Variants in PLAA observed in about 807,000 individuals in gnomAD.
The protein encoded by PLAA is phospholipase A2 activating protein, also known as phospholipase A-2-activating protein.
A neutral mutation model predicts 84.1 loss-of-function variants in PLAA; 48 were observed. The observed-to-expected ratio is 0.57, with a 90% CI of 0.45 to 0.73. The LOEUF is 0.73. Ranked by LOEUF, PLAA falls within the 30% of genes least tolerant of loss-of-function variation. The pLI is 0.00. For missense variants in PLAA, 903 were observed against 954.7 expected (o/e 0.95, Z 0.71); for synonymous variants, 392 against 336.6 (o/e 1.16, Z -1.80).
In PLAA at chr9:26,905,969, T is replaced by C. The variant is rs757076637; in HGVS notation, c.1930A>G (p.Ile644Val). 1 of 1,614,134 alleles carries C rather than the reference T, an allele frequency of 6.2e-7. No homozygotes were observed. The highest frequency in any genetic ancestry group is 1.1e-5 in the South Asian group (1 of 91,082). Residue 644 changes from isoleucine to valine, a missense_variant, in exon 14 of 14, where the codon ATC becomes GTC. Coordinates refer to ENST00000397292, the MANE Select transcript of PLAA (RefSeq NM_001031689.3). ...KEGAQFSSHL[I>V]NLLNPKGKPA... is the part of the protein sequence containing the mutation. ...TTTCCTTTAGGGTTCAGAAGATTGA[T>C]AAGATGACTGCTGAACTGAGCCCCT...
At position 26,919,459 on chromosome 9, in the gene PLAA, C is replaced by G; in HGVS notation, c.1268G>C (p.Ser423Thr). ...GPSYKLPYNT[S>T]DDPWLTAYNF... The stretch of plus-strand genomic sequence containing the variant: ...GTATGCAGTTAACCAAGGGTCATCA[C>G]TGGTATTATATGGCAATTTATATGA... The change falls in exon 9 of 14, where the codon AGT (serine) becomes ACT (threonine). Residue 423 changes from serine (S) to threonine (T), a missense_variant. Transcript: ENST00000397292. 3.1e-6 allele frequency: 5 copies of G among 1,611,354 alleles called. No homozygotes were observed. Among genetic ancestry groups the G allele is most frequent in the Non-Finnish European group, 4.2e-6 (5 of 1,177,744 alleles).
chr9:26,915,553 G>T, intron 10 of PLAA: 1 of 340,700 alleles, frequency 2.9e-6, no homozygotes, highest in Non-Finnish European at 4.2e-6. Flanking sequence ...AATACATACC[G>T]TGGCTTAAAT....
At chr9:26,945,058 C>T (rs774515124) in intron 1 of PLAA, among the ~76,000 whole-genome samples, 8 of 152,048 alleles carry the variant, frequency 5.3e-5, no homozygotes, top group Non-Finnish European at 8.8e-5. Flanking sequence ...ACCCCGGAGG[C>T]GGAGGTTGCA....
intron 12 of PLAA, among the ~76,000 whole-genome samples, 169 bp from the exon 13 acceptor site, chr9:26,908,167 C>CTTTTTT (rs375603485): frequency 1.5e-5 from 2 of 135,070 alleles, no homozygotes; most frequent in Non-Finnish European, 1.6e-5. Context: ...TGAGCTTTGT[C>CTTTTTT]TTTTTTTTTT....
chr9:26,909,070 T>A (rs1824322556), intron 12 of PLAA, among the ~76,000 whole-genome samples: 2 of 152,214 alleles, frequency 1.3e-5, no homozygotes, highest in South Asian at 4.1e-4. Context: ...ATCCTTCGCA[T>A]GTATCTTTAG....
At position 26,903,689 on chromosome 9, in the gene PLAA, T is replaced by C. The variant is rs557335357; in HGVS notation, c.*1822A>G. 4.9e-4 allele frequency among the ~76,000 whole-genome samples: 74 copies of C among 152,250 alleles called. No individual in the cohort carries two copies. The highest frequency in any genetic ancestry group is 7.5e-4 in the Non-Finnish European group (51 of 67,996). On this transcript the variant is annotated 3_prime_UTR_variant, in exon 14 of 14. Coordinates refer to ENST00000397292, the MANE Select transcript of PLAA (RefSeq NM_001031689.3). ...AAATATCATTAAATTATTTAACATATCCTTCAAGTGAGATTGTTTCCTTTT... is the reference window on the plus strand; with the variant it reads ...AAATATCATTAAATTATTTAACATACCCTTCAAGTGAGATTGTTTCCTTTT...
intron 10 of PLAA, among the ~76,000 whole-genome samples, chr9:26,915,464 A>C (rs1824518664): frequency 1.3e-5 from 2 of 152,246 alleles, no homozygotes; most frequent in South Asian, 4.1e-4. Context: ...GACTGACTTT[A>C]AGTTGTAGCC....
At chr9:26,909,227 T>C (rs932898945) in intron 12 of PLAA, among the ~76,000 whole-genome samples, 2 of 152,200 alleles carry the variant, frequency 1.3e-5, no homozygotes, top group African/African-American at 4.8e-5. Context: ...AACTAGGGCC[T>C]GTTTCACTAA....
At chr9:26,925,744 T>G (rs1824929357) in intron 6 of PLAA, 81 bp downstream of exon 6, 1 of 1,272,016 alleles carries the variant, frequency 7.9e-7, no homozygotes, top group East Asian at 2.3e-5. Context: ...GTGAAATTCC[T>G]TATGGCTTAT....
chr9:26,921,125 C>T (rs1409021006), intron 7 of PLAA, among the ~76,000 whole-genome samples: 5 of 152,132 alleles, frequency 3.3e-5, no homozygotes, highest in Non-Finnish European at 7.4e-5. Flanking sequence ...CCCCCTGTCC[C>T]CTCATCTCCC....
intron 10 of PLAA, chr9:26,915,984 T>G: frequency 1.0e-6 from 1 of 985,404 alleles, no homozygotes; most frequent in South Asian, 4.7e-5. Flanking sequence ...AATCACATTA[T>G]GTTATCAAAG....
chr9:26,913,240 C>T (rs1824450200), intron 11 of PLAA, among the ~76,000 whole-genome samples: 1 of 151,928 alleles, frequency 6.6e-6, no homozygotes, highest in Admixed American at 6.5e-5. Flanking sequence ...AAGAGATGAA[C>T]CACAAATTTA....
In PLAA at chr9:26,932,327, C is replaced by T. The variant is rs148355234; in HGVS notation, c.343+2686G>A. ...TCAACAAACTAATGCTGGTGAGCCA[C>T]CTGTATTTGTATACCTAACAAACTA... On this transcript the variant is annotated intron_variant, in intron 2 of 13. Transcript: ENST00000397292. Among the ~76,000 whole-genome samples the T allele has an allele frequency of 1.5e-3, 223 of 152,250 alleles. 2 individuals carry two copies. Among genetic ancestry groups the T allele is most frequent in the African/African-American group, 5.1e-3 (214 of 41,554 alleles).
intron 1 of PLAA, among the ~76,000 whole-genome samples, chr9:26,940,129 A>C (rs776484001): frequency 1.3e-5 from 2 of 152,252 alleles, no homozygotes; most frequent in East Asian, 3.8e-4. Flanking sequence ...TAAAATTACC[A>C]TATGACTCAG....
At position 26,913,966 on chromosome 9, in the gene PLAA, C is replaced by A. The variant is rs768795301; in HGVS notation, c.1487-19G>T. On this transcript the variant is annotated intron_variant, in intron 10 of 13. Coordinates refer to ENST00000397292, the MANE Select transcript of PLAA (RefSeq NM_001031689.3). The stretch of plus-strand genomic sequence containing the variant: ...CCAGCACCTACAATACAATAATACT[C>A]CTAGTAAGCAAAGGTGACTGTAAAT... 1.3e-6 allele frequency: 2 copies of A among 1,562,632 alleles called. No homozygotes were observed. The highest frequency in any genetic ancestry group is 1.8e-6 in the Non-Finnish European group (2 of 1,135,418).
intron 1 of PLAA, among the ~76,000 whole-genome samples, chr9:26,945,714 C>T (rs1406477383): frequency 2.0e-5 from 3 of 152,178 alleles, no homozygotes; most frequent in Non-Finnish European, 1.5e-5. Flanking sequence ...CTGGCTCTTG[C>T]CAGCCTCAAA....
chr9:26,928,327 T>C lies in PLAA; in HGVS notation c.425A>G (p.Lys142Arg), dbSNP rs1178276133. Residue 142 changes from lysine (K) to arginine (R), a missense_variant, in exon 3 of 14, where the codon AAG becomes AGG. By Grantham distance (26) the Lys-to-Arg change is conservative. Transcript: ENST00000397292. Reference sequence around the variant, plus strand: ...CTGTACCTGCAAGGTCATCATGCACTTGTCATTCAGCCAGACTTTAGCAGT... The same window carrying C: ...CTGTACCTGCAAGGTCATCATGCACCTGTCATTCAGCCAGACTTTAGCAGT... The part of the protein sequence containing the change: ...DTTAKVWLND[K>R]CMMTLQGHTA... 2 of 1,614,152 alleles carry C rather than the reference T, an allele frequency of 1.2e-6. No individual in the cohort carries two copies. Among genetic ancestry groups the C allele is most frequent in the South Asian group, 1.1e-5 (1 of 91,084 alleles).
At chr9:26,933,392 CG>C (rs1825248135) in intron 2 of PLAA, among the ~76,000 whole-genome samples, 1 of 151,698 alleles carries the variant, frequency 6.6e-6, no homozygotes, top group Non-Finnish European at 1.5e-5. Context: ...TATAGTGAGC[CG>C]AGATCACAAG....
In PLAA at chr9:26,929,253, G is replaced by A. The variant is rs145041403; in HGVS notation, c.344-845C>T. 3.2e-3 allele frequency among the ~76,000 whole-genome samples: 490 copies of A among 152,166 alleles called. 3 individuals are homozygous for A. Among genetic ancestry groups the A allele is most frequent in the African/African-American group, 0.011 (458 of 41,532 alleles). Reference sequence around the variant, plus strand: ...TAGCCAGGTGGAGTGGCTCATGCCTGTAATCCTAGCATTTTGAACTGAGCT... The same window carrying A: ...TAGCCAGGTGGAGTGGCTCATGCCTATAATCCTAGCATTTTGAACTGAGCT... On this transcript the variant is annotated intron_variant, in intron 2 of 13. Transcript: ENST00000397292.
Sources: allele counts gnomAD v4.1 joint callset (sites outside exome capture counted in the v4.1 genomes callset), GRCh38; gene constraint gnomAD v4.1.1; transcripts MANE v1.5; gene names NCBI Gene and HGNC (gene_info 2026-07-23, HGNC 2026-07-21).